The following ARHGAP26 variants were observed in gnomAD, a reference collection of about 807,000 sequenced individuals.
ARHGAP26 encodes Rho GTPase activating protein 26, also known as rho GTPase-activating protein 26.
In ARHGAP26, 38 loss-of-function variants were observed where a neutral mutation model predicts 104.8. The ratio of observed to expected loss-of-function variants is 0.36; its 90% confidence interval spans 0.28 to 0.48. The LOEUF is 0.48. Among genes scored for constraint, ARHGAP26 ranks in the 20% least tolerant of loss-of-function variants. The pLI is 0.99. For missense variants in ARHGAP26, 704 were observed against 947.9 expected (o/e 0.74, Z 3.38); for synonymous variants, 341 against 340.0 (o/e 1.00, Z -0.03).
intron 1 of ARHGAP26, among the ~76,000 whole-genome samples, chr5:142,818,261 G>A (rs1389336108): frequency 6.6e-6 from 1 of 151,628 alleles, no homozygotes; most frequent in East Asian, 1.9e-4. Flanking sequence ...TCTGTGATCT[G>A]GGACCAAGCC....
chr5:143,119,336 T>G (rs1427133047), intron 17 of ARHGAP26, among the ~76,000 whole-genome samples: 6 of 152,206 alleles, frequency 3.9e-5, no homozygotes, highest in Non-Finnish European at 8.8e-5. Context: ...GAGGCTAAGT[T>G]TAATGACTTA....
chr5:142,797,769 G>A (rs2151944878), intron 1 of ARHGAP26, among the ~76,000 whole-genome samples: 1 of 152,324 alleles, frequency 6.6e-6, no homozygotes, highest in Admixed American at 6.5e-5. Context: ...CAAGTCTTTG[G>A]TGGTATGATT....
At chr5:142,783,478 A>T (rs537493198) in intron 1 of ARHGAP26, among the ~76,000 whole-genome samples, 10 of 150,026 alleles carry the variant, frequency 6.7e-5, no homozygotes, top group African/African-American at 2.2e-4. Context: ...TATGTTTCAC[A>T]TTTTTTTTTT....
chr5:143,054,490 T>C lies in ARHGAP26; in HGVS notation c.1337T>C (p.Ile446Thr). ...TETDICAEWEIKTITSALKTY... is the reference protein window; with the variant it reads ...TETDICAEWETKTITSALKTY... Reference sequence around the variant, plus strand: ...ACAGATATCTGTGCTGAATGGGAGATAAAGACCATCACTAGTGCTCTGAAG... The same window carrying C: ...ACAGATATCTGTGCTGAATGGGAGACAAAGACCATCACTAGTGCTCTGAAG... The change falls in exon 15 of 23, where the codon ATA (isoleucine) becomes ACA (threonine). Residue 446 changes from isoleucine to threonine, a missense_variant. Transcript: ENST00000645722. 1 of 1,613,710 alleles carries C rather than the reference T, an allele frequency of 6.2e-7. No homozygotes were observed.
chr5:143,137,297 C>T, intron 19 of ARHGAP26, among the ~76,000 whole-genome samples: 1 of 152,228 alleles, frequency 6.6e-6, no homozygotes, highest in South Asian at 2.1e-4. Flanking sequence ...TTCCATCCTT[C>T]CTCTTAATTT....
At chr5:143,144,597 G>A (rs1367052968) in intron 19 of ARHGAP26, among the ~76,000 whole-genome samples, 1 of 151,882 alleles carries the variant, frequency 6.6e-6, no homozygotes, top group Non-Finnish European at 1.5e-5. Flanking sequence ...TGTAGAGATG[G>A]GGGTCTCACT....
intron 20 of ARHGAP26, among the ~76,000 whole-genome samples, chr5:143,206,837 G>A (rs118002193): frequency 2.0e-5 from 3 of 152,224 alleles, no homozygotes; most frequent in Non-Finnish European, 2.9e-5. Flanking sequence ...CTGAAGGCTC[G>A]CTATAAGCTA....
intron 12 of ARHGAP26, among the ~76,000 whole-genome samples, chr5:143,035,496 C>A (rs1038936383): frequency 6.6e-6 from 1 of 151,250 alleles, no homozygotes; most frequent in Non-Finnish European, 1.5e-5. Context: ...TATGAGGATG[C>A]GAAGGCACAA....
chr5:143,170,311 G>A (rs1802590727), intron 20 of ARHGAP26: 1 of 152,226 alleles, frequency 6.6e-6, no homozygotes, highest in South Asian at 2.1e-4. Context: ...CCACTGGGTG[G>A]TGGCATCTTT....
intron 12 of ARHGAP26, among the ~76,000 whole-genome samples, chr5:143,015,504 T>C (rs1467407159): frequency 6.6e-6 from 1 of 152,196 alleles, no homozygotes; most frequent in African/African-American, 2.4e-5. Context: ...AGGCAACAAG[T>C]TGGTCTAATT....
intron 11 of ARHGAP26, among the ~76,000 whole-genome samples, chr5:142,959,866 A>T (rs1196436669): frequency 6.6e-6 from 1 of 152,222 alleles, no homozygotes; most frequent in Non-Finnish European, 1.5e-5. Flanking sequence ...TGCCAGCCAC[A>T]TCTGACAAGT....
At chr5:143,003,994 C>A (rs926320675) in intron 11 of ARHGAP26, among the ~76,000 whole-genome samples, 1 of 125,512 alleles carries the variant, frequency 8.0e-6, no homozygotes. Context: ...AGGGATGCCT[C>A]GTGGTCAGAA....
intron 11 of ARHGAP26, among the ~76,000 whole-genome samples, chr5:143,006,029 C>A (rs747826137): frequency 6.6e-5 from 10 of 152,176 alleles, no homozygotes; most frequent in Non-Finnish European, 1.5e-4. Context: ...TCGTTGTCAC[C>A]TGGTGGATGT....
At chr5:143,217,549 GA>G (rs1810524761) in intron 22 of ARHGAP26, among the ~76,000 whole-genome samples, 1 of 152,210 alleles carries the variant, frequency 6.6e-6, no homozygotes, top group African/African-American at 2.4e-5. Context: ...TAAGATTTGA[GA>G]GGAGCTGGAT....
At position 142,943,815 on chromosome 5, in the gene ARHGAP26, G is replaced by A. The variant is rs575609694; in HGVS notation, c.1107+11690G>A. 5.9e-5 allele frequency among the ~76,000 whole-genome samples: 9 copies of A among 152,144 alleles called. No homozygotes were observed. The East Asian group carries it at 1.7e-3, about 29-fold the overall frequency. On this transcript the variant is annotated intron_variant, in intron 11 of 22. Transcript: ENST00000645722. Reference sequence around the variant, plus strand: ...CATACCACTACCTTTATAGGCTTGAGCACCTCTTATTTTAATTTTGATTAC... The same window carrying A: ...CATACCACTACCTTTATAGGCTTGAACACCTCTTATTTTAATTTTGATTAC...
intron 20 of ARHGAP26, among the ~76,000 whole-genome samples, chr5:143,161,616 T>G (rs949621138): frequency 6.6e-6 from 1 of 152,206 alleles, no homozygotes; most frequent in African/African-American, 2.4e-5. Context: ...GCAGTTGCCC[T>G]GGTAAGCTCA....
intron 11 of ARHGAP26, among the ~76,000 whole-genome samples, chr5:142,961,589 T>C (rs538697731): frequency 3.3e-4 from 50 of 152,184 alleles, no homozygotes; most frequent in Non-Finnish European, 5.9e-4. Context: ...AAGGGAAATA[T>C]CAGCCTGTCA....
Position 143,133,995 on chromosome 5 carries a change from T to A in ARHGAP26, c.1727T>A (p.Leu576His), listed in dbSNP as rs1444971373. Residue 576 changes from leucine to histidine, a missense_variant, in exon 19 of 23, where the codon CTC becomes CAC. By Grantham distance (99) the Leu-to-His change is moderately conservative (BLOSUM62 -3). Transcript: ENST00000645722. ...TTTAACACCGTGCCCGATATGCCTC[T>A]CACCAATGCCCAGCTGCACCTGTCT... The part of the protein sequence containing the change: ...KIFNTVPDMP[L>H]TNAQLHLSRK... 9 of 1,612,672 alleles carry A rather than the reference T, an allele frequency of 5.6e-6. No homozygotes were observed. Among genetic ancestry groups the A allele is most frequent in the Non-Finnish European group, 7.6e-6 (9 of 1,179,256 alleles).
At chr5:142,893,197 C>G (rs1758941098) in intron 5 of ARHGAP26, among the ~76,000 whole-genome samples, 2 of 152,078 alleles carry the variant, frequency 1.3e-5, no homozygotes, top group South Asian at 2.1e-4. Context: ...AGGATTGTCT[C>G]GATCTCTTGA....
Sources: gnomAD v4.1 joint callset for allele counts (sites outside exome capture counted in the v4.1 genomes callset) on GRCh38, gnomAD v4.1.1 for gene constraint, MANE v1.5 for transcripts, NCBI Gene and HGNC (gene_info 2026-07-23, HGNC 2026-07-21) for gene names.